The following ADH5 variants were observed in gnomAD, a reference collection of about 807,000 sequenced individuals.
ADH5 encodes alcohol dehydrogenase 5 (class III), chi polypeptide, also known as alcohol dehydrogenase class-3.
In ADH5, 32 loss-of-function variants were observed where a neutral mutation model predicts 40.3. The ratio of observed to expected loss-of-function variants is 0.79; its 90% CI spans 0.60 to 1.07. The LOEUF is 1.07. Among genes scored for constraint, ADH5 ranks in the 50% least tolerant of loss-of-function variants. The probability of loss-of-function intolerance (pLI) is 0.00; values close to 1 mark genes in which losing one functional copy is unlikely to be tolerated. For synonymous variants in ADH5, 125 were observed against 154.3 expected, an observed-to-expected ratio of 0.81 and a Z score of 1.41; for missense variants, 353 against 460.5, an observed-to-expected ratio of 0.77 and a Z score of 2.14.
chr4:99,080,254 A>G (rs571795038), intron 4 of ADH5, among the ~76,000 whole-genome samples: 42 of 152,370 alleles, frequency 2.8e-4, no homozygotes, highest in African/African-American at 4.1e-4. Flanking sequence ...TCAACTCTTC[A>G]AAAGCAGAGA....
At position 99,071,635 on chromosome 4, in the gene ADH5, A is replaced by C. The variant is rs1470312505; in HGVS notation, c.*782T>G. ...ATACACAGTGAAAGTACAACAACAC[A>C]GGAATGATAAACATCAAATTGTGGA... On this transcript the variant is annotated 3_prime_UTR_variant, in exon 9 of 9. Transcript: ENST00000296412. 4 of 152,372 alleles carry C rather than the reference A, an allele frequency of 2.6e-5. No homozygotes were observed. The East Asian group carries it at 7.7e-4, about 29-fold the overall frequency. The allele number at this position is 152,372 out of a possible 1,614,324, so 9.4% of individuals were successfully genotyped here.
chr4:99,071,578 A>G lies in ADH5; in HGVS notation c.*839T>C, dbSNP rs1232280760. On this transcript the variant is annotated 3_prime_UTR_variant, in exon 9 of 9. Transcript: ENST00000296412. The stretch of plus-strand genomic sequence containing the variant: ...GCAAGTATGAGGCTTAAAAATATAT[A>G]AAACAGTACTAAAGAGTAGATGGTT... The G allele has an allele frequency of 1.3e-5, 2 of 152,250 alleles. No homozygotes were observed. Among genetic ancestry groups the G allele is most frequent in the African/African-American group, 4.8e-5 (2 of 41,462 alleles). 9.4% of individuals were successfully genotyped at this position (152,250 alleles called of 1,614,324 possible).
chr4:99,071,076 A>G lies in ADH5; in HGVS notation c.*1341T>C, dbSNP rs1433905216. 6 of 152,240 alleles carry G rather than the reference A, an allele frequency of 3.9e-5. No homozygotes were observed. Among genetic ancestry groups the G allele is most frequent in the African/African-American group, 1.4e-4 (6 of 41,464 alleles). The allele number at this position is 152,240 out of a possible 1,614,324, so 9.4% of individuals were successfully genotyped here. A position where few individuals can be genotyped will look rare whatever the true frequency, so the allele number is the denominator to read the frequency against. ...AAGATATTTGCAACATATAAAACTG[A>G]CAAATGATTGATGTCTAGAATAAAA... is the stretch of plus-strand genomic sequence containing the variant. On this transcript the variant is annotated 3_prime_UTR_variant, in exon 9 of 9. Coordinates refer to ENST00000296412, the MANE Select transcript of ADH5 (RefSeq NM_000671.4).
chr4:99,076,960 A>C, intron 4 of ADH5, 37 bp from the exon 5 acceptor site: 1 of 1,482,066 alleles, frequency 6.7e-7, no homozygotes, highest in East Asian at 2.3e-5. Context: ...AGTTGGAATT[A>C]GGTTTCTTAA....
At position 99,082,127 on chromosome 4, in the gene ADH5, A is replaced by T. The variant is rs1378751400; in HGVS notation, c.115-11T>A. On this transcript the variant is annotated splice_polypyrimidine_tract_variant and intron_variant, in intron 2 of 8. Transcript: ENST00000296412. The stretch of plus-strand genomic sequence containing the variant: ...CGCAGTGGCAATGATCTATCAGGAC[A>T]TTAAAACAACGAATGTGTAAGTATG... 6.2e-7 allele frequency: 1 copy of T among 1,612,828 alleles called. No individual in the cohort carries two copies. Among genetic ancestry groups the T allele is most frequent in the Non-Finnish European group, 8.5e-7 (1 of 1,179,172 alleles).
chr4:99,073,210 G>A lies in ADH5; in HGVS notation c.962-499C>T, dbSNP rs1204357706. Among the ~76,000 whole-genome samples the A allele has an allele frequency of 6.6e-5, 10 of 152,198 alleles. No homozygotes were observed. The South Asian group carries it at 1.0e-3, about 16-fold the overall frequency. On this transcript the variant is annotated intron_variant, in intron 7 of 8. Coordinates refer to ENST00000296412, the MANE Select transcript of ADH5 (RefSeq NM_000671.4). The stretch of plus-strand genomic sequence containing the variant: ...TCGTTTGTTTTTGAGACGGAGTCTC[G>A]CTCTATCGCCTAGGCTGGAGTACAG...
chr4:99,077,018 TAAGA>T (rs1727944591), intron 4 of ADH5, 95 bp from the exon 5 acceptor site: 1 of 896,108 alleles, frequency 1.1e-6, no homozygotes, highest in Non-Finnish European at 1.7e-6. Flanking sequence ...CAGTAAATAT[TAAGA>T]AAGTGTTGTA....
intron 1 of ADH5, among the ~76,000 whole-genome samples, chr4:99,087,427 T>C (rs565322788): frequency 6.6e-6 from 1 of 150,968 alleles, no homozygotes; most frequent in East Asian, 2.0e-4. Context: ...CCTCTGTAAA[T>C]TGGTGAGGTT....
chr4:99,087,772 CT>C (rs1304108582), intron 1 of ADH5, among the ~76,000 whole-genome samples: 1 of 152,182 alleles, frequency 6.6e-6, no homozygotes, highest in African/African-American at 2.4e-5. Context: ...CAATTATAAT[CT>C]TTCACCTTCT....
At chr4:99,080,098 A>T in intron 4 of ADH5, 1 of 382,046 alleles carries the variant, frequency 2.6e-6, no homozygotes, top group East Asian at 8.4e-5. Flanking sequence ...ATTTACAGTA[A>T]GAGACACTCA....
intron 4 of ADH5, chr4:99,079,881 T>A (rs922091993): frequency 2.5e-6 from 1 of 405,560 alleles, no homozygotes; most frequent in African/African-American, 2.1e-5. Context: ...CCTTACTACA[T>A]GGTTTGGCAA....
rs374942337 is a variant in ADH5 at position 99,076,343 on chromosome 4, G to A, written c.774C>T (p.Thr258=). ...CAAAGGAATAGTCCACTCCTCCATC[G>A]GTCATCTCAATGAGCACTTCCTGGA... ...KPIQEVLIEM[T]DGGVDYSFEC... is the part of the protein sequence containing the mutation. Residue 258 remains threonine, a synonymous_variant, in exon 6 of 9, where the codon ACC becomes ACT. Coordinates refer to ENST00000296412, the MANE Select transcript of ADH5 (RefSeq NM_000671.4). 2.7e-5 allele frequency: 43 copies of A among 1,614,012 alleles called. No individual in the cohort carries two copies. Among genetic ancestry groups the A allele is most frequent in the Non-Finnish European group, 3.2e-5 (38 of 1,179,964 alleles).
rs116420250 is a variant in ADH5, at chr4:99,079,395, T to C, written c.344+1970A>G. ...AAAAAAGAAACCTGACAAAAGAGCA[T>C]GCACTGCATGACTCTATTTATACAA... On this transcript the variant is annotated intron_variant, in intron 4 of 8. Coordinates refer to ENST00000296412, the MANE Select transcript of ADH5 (RefSeq NM_000671.4). Among the ~76,000 whole-genome samples the C allele has an allele frequency of 2.8e-3, 413 of 149,784 alleles. 1 individual carries two copies. The highest frequency in any genetic ancestry group is 9.8e-3 in the African/African-American group (399 of 40,570).
intron 6 of ADH5, chr4:99,075,857 G>C (rs1416065042): frequency 1.9e-5 from 3 of 157,068 alleles, no homozygotes; most frequent in African/African-American, 7.2e-5. Context: ...CATCATGTTG[G>C]TGCTCAAAGT....
chr4:99,081,926 T>C (rs1390702462), intron 3 of ADH5, 49 bp downstream of exon 3: 1 of 1,602,626 alleles, frequency 6.2e-7, no homozygotes. Context: ...AATTTCCCCA[T>C]AGGAATAAGC....
At chr4:99,079,879 C>T in intron 4 of ADH5, 1 of 403,406 alleles carries the variant, frequency 2.5e-6, no homozygotes, top group Non-Finnish European at 4.8e-6. Context: ...TTCCTTACTA[C>T]ATGGTTTGGC....
intron 4 of ADH5, among the ~76,000 whole-genome samples, chr4:99,078,669 T>A (rs1311633112): frequency 6.6e-6 from 1 of 152,244 alleles, no homozygotes; most frequent in Non-Finnish European, 1.5e-5. Flanking sequence ...CTCAAAGGGC[T>A]GGGATTACAG....
intron 1 of ADH5, among the ~76,000 whole-genome samples, chr4:99,087,189 GC>G (rs1728159702): frequency 1.3e-5 from 2 of 151,754 alleles, no homozygotes; most frequent in African/African-American, 4.8e-5. Context: ...TTGGAGACCA[GC>G]CTGGCCACTA....
chr4:99,074,060 T>G (rs893029423), intron 7 of ADH5, among the ~76,000 whole-genome samples: 1 of 152,144 alleles, frequency 6.6e-6, no homozygotes, highest in Non-Finnish European at 1.5e-5. Context: ...AACCCCTCAT[T>G]TTAGCATATT....
Sources: allele counts gnomAD v4.1 joint callset (sites outside exome capture counted in the v4.1 genomes callset), GRCh38; gene constraint gnomAD v4.1.1; transcripts MANE v1.5; gene names NCBI Gene and HGNC (gene_info 2026-07-23, HGNC 2026-07-21).